Variants in KBTBD12 observed in about 807,000 individuals in gnomAD.
KBTBD12 encodes kelch repeat and BTB domain-containing protein 12.
In KBTBD12, 53 loss-of-function variants were observed where a neutral mutation model predicts 58.7. That is an observed-to-expected ratio of 0.90 (90% CI 0.72 to 1.14). The LOEUF is 1.14. Ranked by LOEUF, KBTBD12 falls within the 50% of genes most tolerant of loss-of-function variation. The pLI, the probability that KBTBD12 is intolerant of heterozygous loss-of-function variation, is 0.00. For missense variants in KBTBD12, 704 were observed against 751.3 expected (o/e 0.94, Z 0.74); for synonymous variants, 236 against 259.8 (o/e 0.91, Z 0.88).
rs774402954 is a variant in KBTBD12 at position 127,930,188 on chromosome 3, A to AC, written c.1401dup (p.Ser468GlnfsTer15). ...TTAAGCAACAAACTGTTGCAGTATG[A>AC]CCCCAGCCAAGATCAATGGAGTGTG... On this transcript the variant is annotated frameshift_variant, in exon 4 of 6. Coordinates refer to ENST00000405109, the MANE Select transcript of KBTBD12 (RefSeq NM_207335.4). LOFTEE classifies it high-confidence loss of function. The AC allele has an allele frequency of 1.9e-5, 31 of 1,604,868 alleles. No homozygotes were observed. In the East Asian group the frequency reaches 6.7e-4, roughly 35 times the overall value.
intron 5 of KBTBD12, among the ~76,000 whole-genome samples, chr3:127,980,306 T>C (rs934554472): frequency 3.3e-5 from 5 of 152,266 alleles, no homozygotes; most frequent in African/African-American, 7.2e-5. Flanking sequence ...AGTGTAATCA[T>C]TGGGTTATTT....
At chr3:127,954,818 C>T (rs1210495555) in intron 4 of KBTBD12, among the ~76,000 whole-genome samples, 1 of 152,212 alleles carries the variant, frequency 6.6e-6, no homozygotes, top group Admixed American at 6.5e-5. Flanking sequence ...ACATGCTTTC[C>T]TCCTGTGCCT....
At chr3:127,975,504 C>T (rs966161305) in intron 5 of KBTBD12, among the ~76,000 whole-genome samples, 4 of 152,166 alleles carry the variant, frequency 2.6e-5, no homozygotes, top group Admixed American at 2.6e-4. Context: ...AGGAGCACCG[C>T]GTGGGTCAGA....
rs199635878 is a variant in KBTBD12 at position 127,923,299 on chromosome 3, G to T, written c.238G>T (p.Glu80Ter). The part of the protein sequence containing the change: ...REVILYDITA[E>*]SVSVLLNYMY... ...AGTCATACTTTATGACATCACAGCAGAAAGTGTGTCGGTGTTATTAAATTA... is the reference window on the plus strand; with the variant it reads ...AGTCATACTTTATGACATCACAGCATAAAGTGTGTCGGTGTTATTAAATTA... The change falls in exon 2 of 6, where the codon GAA (glutamate) becomes TAA (stop). Residue 80 changes from glutamate (E) to a stop codon, truncating the protein, a stop_gained. Coordinates refer to ENST00000405109, the MANE Select transcript of KBTBD12 (RefSeq NM_207335.4). LOFTEE classifies it high-confidence loss of function. The T allele has an allele frequency of 9.4e-5, 152 of 1,613,748 alleles. No individual in the cohort carries two copies. The highest frequency in any genetic ancestry group is 1.2e-4 in the Non-Finnish European group (147 of 1,179,702).
intron 4 of KBTBD12, among the ~76,000 whole-genome samples, 180 bp from the exon 5 acceptor site, chr3:127,963,009 G>A (rs535565702): frequency 2.0e-5 from 3 of 152,314 alleles, no homozygotes; most frequent in Middle Eastern, 3.4e-3. Flanking sequence ...ATTGAATGTC[G>A]CTATGGAGTA....
chr3:127,918,725 A>AT (rs1939321295), intron 1 of KBTBD12, among the ~76,000 whole-genome samples: 1 of 151,404 alleles, frequency 6.6e-6, no homozygotes, highest in African/African-American at 2.4e-5. Context: ...AAAAAAAAAA[A>AT]GAAAAAGAAA....
At position 127,980,464 on chromosome 3, in the gene KBTBD12, G is replaced by C. The variant is rs1041736621; in HGVS notation, c.1691-3633G>C. 2.0e-5 allele frequency among the ~76,000 whole-genome samples: 3 copies of C among 152,156 alleles called. 1 individual carries two copies. The highest frequency in any genetic ancestry group is 2.9e-5 in the Non-Finnish European group (2 of 68,028). ...CCTGCCTCAGCCTCCCAAGTAGCTGGGACTACAGGTGGGCGCTACCACGCC... is the reference window on the plus strand; with the variant it reads ...CCTGCCTCAGCCTCCCAAGTAGCTGCGACTACAGGTGGGCGCTACCACGCC... On this transcript the variant is annotated intron_variant, in intron 5 of 5. Transcript: ENST00000405109.
At chr3:127,950,602 G>C (rs6777918) in intron 4 of KBTBD12, among the ~76,000 whole-genome samples, 8,562 of 152,156 alleles carry the variant, frequency 0.056, 274 homozygotes, top group East Asian at 0.097. Flanking sequence ...GGGTGCTAAG[G>C]ACCCAGCGAT....
At chr3:127,964,034 G>A (rs892992686) in intron 5 of KBTBD12, among the ~76,000 whole-genome samples, 4 of 151,826 alleles carry the variant, frequency 2.6e-5, no homozygotes, top group East Asian at 3.9e-4. Context: ...GCATTCTACA[G>A]TATGGATTTA....
rs1350252829 is a variant in KBTBD12 at position 127,930,103 on chromosome 3, TTATTATATTGGCTGTCA to T, written c.1342-25_1342-9del. ...CTCACAAAGATTGCTAAATGATATGTTATTATATTGGCTGTCATATTTCATACAGATGGATCTTCCTG... is the reference window on the plus strand; with the variant it reads ...CTCACAAAGATTGCTAAATGATATGTTATTTCATACAGATGGATCTTCCTG... On this transcript the variant is annotated splice_polypyrimidine_tract_variant and intron_variant, in intron 3 of 5. Coordinates refer to ENST00000405109, the MANE Select transcript of KBTBD12 (RefSeq NM_207335.4). 2 of 1,549,724 alleles carry T rather than the reference TTATTATATTGGCTGTCA, an allele frequency of 1.3e-6. No individual in the cohort carries two copies. Among genetic ancestry groups the T allele is most frequent in the African/African-American group, 2.7e-5 (2 of 73,290 alleles).
intron 4 of KBTBD12, among the ~76,000 whole-genome samples, chr3:127,961,843 A>T (rs984782111): frequency 2.0e-5 from 3 of 152,210 alleles, no homozygotes; most frequent in Admixed American, 2.0e-4. Context: ...CACCTGACTG[A>T]TGCAGTGATA....
intron 4 of KBTBD12, among the ~76,000 whole-genome samples, chr3:127,935,660 G>A (rs1488991498): frequency 6.6e-6 from 1 of 152,118 alleles, no homozygotes; most frequent in Non-Finnish European, 1.5e-5. Context: ...GGCAGCAAAG[G>A]AGGAACAGAA....
intron 5 of KBTBD12, among the ~76,000 whole-genome samples, chr3:127,982,249 A>C (rs1312381711): frequency 1.3e-5 from 2 of 152,242 alleles, no homozygotes; most frequent in African/African-American, 4.8e-5. Context: ...TGACAACTTA[A>C]GAGACCTTTC....
At chr3:127,939,055 G>A (rs987603497) in intron 4 of KBTBD12, among the ~76,000 whole-genome samples, 17 of 152,148 alleles carry the variant, frequency 1.1e-4, no homozygotes, top group African/African-American at 4.1e-4. Context: ...TCTGGCTCCG[G>A]CATGAGTTAC....
chr3:127,956,218 A>G (rs1940317811), intron 4 of KBTBD12, among the ~76,000 whole-genome samples: 1 of 152,162 alleles, frequency 6.6e-6, no homozygotes, highest in Admixed American at 6.6e-5. Flanking sequence ...CCCTCAACAA[A>G]TAACTCAGAA....
At position 127,915,490 on chromosome 3, in the gene KBTBD12, C is replaced by T. The variant is rs56246308; in HGVS notation, c.-209C>T. 8,666 of 152,510 alleles carry T rather than the reference C, an allele frequency of 0.057. 282 individuals carry two copies. The highest frequency in any genetic ancestry group is 0.097 in the East Asian group (501 of 5,176). The allele number at this position is 152,510 out of a possible 1,614,324, so 9.4% of individuals were successfully genotyped here. A position where few individuals can be genotyped will look rare whatever the true frequency, so the allele number is the denominator to read the frequency against. The stretch of plus-strand genomic sequence containing the variant: ...GCACAGGCCCATATTGGGCAGTGGC[C>T]TCAGTCAGGCCCGCTGGCCGCCCTG... On this transcript the variant is annotated 5_prime_UTR_variant, in exon 1 of 6. Coordinates refer to ENST00000405109, the MANE Select transcript of KBTBD12 (RefSeq NM_207335.4).
At chr3:127,966,042 C>T (rs1323363568) in intron 5 of KBTBD12, among the ~76,000 whole-genome samples, 3 of 152,182 alleles carry the variant, frequency 2.0e-5, no homozygotes, top group Admixed American at 2.0e-4. Flanking sequence ...CTGCCCTACT[C>T]TTGATAGTGA....
At chr3:127,951,823 A>C (rs557088156) in intron 4 of KBTBD12, among the ~76,000 whole-genome samples, 2 of 152,240 alleles carry the variant, frequency 1.3e-5, no homozygotes, top group Non-Finnish European at 2.9e-5. Flanking sequence ...GCAACAAAGT[A>C]TAACAAAGGT....
chr3:127,945,159 G>A (rs1299583492), intron 4 of KBTBD12, among the ~76,000 whole-genome samples: 2 of 80,590 alleles, frequency 2.5e-5, no homozygotes, highest in Admixed American at 1.4e-4. Context: ...AAAAATAGTA[G>A]CTATCTTTTT....
Sources: gnomAD v4.1 joint callset for allele counts (sites outside exome capture counted in the v4.1 genomes callset) on GRCh38, gnomAD v4.1.1 for gene constraint, MANE v1.5 for transcripts, NCBI Gene and HGNC (gene_info 2026-07-23, HGNC 2026-07-21) for gene names.